The following DLC1 variants were observed in gnomAD, a reference collection of about 807,000 sequenced individuals.
DLC1 encodes DLC1 Rho GTPase activating protein, also known as rho GTPase-activating protein 7.
A neutral mutation model predicts 140.3 loss-of-function variants in DLC1; 54 were observed. That is an observed-to-expected ratio of 0.38 (90% CI 0.31 to 0.48). The LOEUF (loss-of-function observed/expected upper bound fraction) is 0.48, where lower values mean the gene tolerates loss of function less well. Ranked by LOEUF, DLC1 falls within the 20% of genes least tolerant of loss-of-function variation. DLC1 has a pLI of 0.96. For missense variants in DLC1, 2,536 were observed against 1,907.0 expected, an observed-to-expected ratio of 1.33 and a Z score of -6.14; for synonymous variants, 986 against 728.1, an observed-to-expected ratio of 1.35 and a Z score of -5.70.
chr8:13,086,797 G>T (rs1049857801), intron 16 of DLC1, among the ~76,000 whole-genome samples: 1 of 152,154 alleles, frequency 6.6e-6, no homozygotes, highest in East Asian at 1.9e-4. Context: ...GCTGGGGAGG[G>T]AGGACTGCTT....
At chr8:13,509,640 T>A (rs1184749163) in intron 1 of DLC1, among the ~76,000 whole-genome samples, 2 of 152,184 alleles carry the variant, frequency 1.3e-5, no homozygotes, top group Non-Finnish European at 2.9e-5. Context: ...TTAGAAGCTA[T>A]CTCCTTTAGC....
At chr8:13,371,220 C>T (rs1835710040) in intron 4 of DLC1, among the ~76,000 whole-genome samples, 1 of 152,168 alleles carries the variant, frequency 6.6e-6, no homozygotes, top group Non-Finnish European at 1.5e-5. Context: ...TATGCCTCCT[C>T]TTCCTCTTTG....
chr8:13,515,711 C>T (rs1802565518), upstream of DLC1: 1 of 152,150 alleles, frequency 6.6e-6, no homozygotes, highest in Non-Finnish European at 1.5e-5. Context: ...CTCCTAGCTG[C>T]TCCAGGTTGG....
intron 5 of DLC1, among the ~76,000 whole-genome samples, chr8:13,176,609 T>C (rs974146142): frequency 2.0e-5 from 3 of 152,034 alleles, no homozygotes; most frequent in South Asian, 4.2e-4. Context: ...CCCTCTCTTT[T>C]TGATTAAAAA....
chr8:13,276,722 T>G, intron 5 of DLC1: 1 of 538,004 alleles, frequency 1.9e-6, no homozygotes. Context: ...TGCTCCTGGG[T>G]CACATAGCAG....
At chr8:13,316,344 A>G (rs2117573387) in intron 4 of DLC1, among the ~76,000 whole-genome samples, 1 of 152,326 alleles carries the variant, frequency 6.6e-6, no homozygotes, top group East Asian at 1.9e-4. Context: ...ACAGAGTCAT[A>G]GGTGAGTTTT....
intron 4 of DLC1, among the ~76,000 whole-genome samples, chr8:13,343,288 T>G (rs1413366065): frequency 6.6e-6 from 1 of 152,092 alleles, no homozygotes; most frequent in Non-Finnish European, 1.5e-5. Context: ...AAGTAATTAT[T>G]CTGAGCAGAA....
At chr8:13,405,732 C>T (rs1400858798) in intron 2 of DLC1, among the ~76,000 whole-genome samples, 1 of 152,096 alleles carries the variant, frequency 6.6e-6, no homozygotes, top group Non-Finnish European at 1.5e-5. Context: ...TTTTGAAAGA[C>T]CATCAATTAC....
At chr8:13,227,566 A>G (rs926127859) in intron 5 of DLC1, among the ~76,000 whole-genome samples, 10 of 152,220 alleles carry the variant, frequency 6.6e-5, no homozygotes, top group Non-Finnish European at 1.2e-4. Flanking sequence ...TGTAGGGTCT[A>G]TGGTCACACA....
At chr8:13,466,466 A>T (rs1799945015) in intron 2 of DLC1, among the ~76,000 whole-genome samples, 1 of 152,200 alleles carries the variant, frequency 6.6e-6, no homozygotes, top group Non-Finnish European at 1.5e-5. Flanking sequence ...CTTGGTAGAA[A>T]TAAAGAGAAC....
At chr8:13,549,233 T>C (rs1803764676) in intron 1 of DLC1, among the ~76,000 whole-genome samples, 1 of 151,992 alleles carries the variant, frequency 6.6e-6, no homozygotes, top group African/African-American at 2.4e-5. Context: ...TAATCAGTCT[T>C]AGCGAGGTGA....
intron 1 of DLC1, among the ~76,000 whole-genome samples, chr8:13,581,212 G>A (rs1397458443): frequency 1.3e-5 from 2 of 152,164 alleles, no homozygotes; most frequent in African/African-American, 4.8e-5. Flanking sequence ...ATTGCTCTCA[G>A]CTAACCACAC....
intron 5 of DLC1, among the ~76,000 whole-genome samples, chr8:13,188,419 C>CAAAAAAAAAAAAAAAAAAAAA (rs1178090798): frequency 3.4e-5 from 2 of 58,984 alleles, no homozygotes; most frequent in African/African-American, 6.8e-5. Context: ...GACTCCGTCT[C>CAAAAAAAAAAAAAAAAAAAAA]AAAAAAAAAA....
At chr8:13,381,675 A>T (rs2117162516) in intron 4 of DLC1, among the ~76,000 whole-genome samples, 1 of 152,264 alleles carries the variant, frequency 6.6e-6, no homozygotes, top group Non-Finnish European at 1.5e-5. Flanking sequence ...ACTGTTTTGG[A>T]AATGAGCCAG....
chr8:13,479,764 C>G (rs1394909379), intron 2 of DLC1, among the ~76,000 whole-genome samples: 1 of 14,180 alleles, frequency 7.1e-5, no homozygotes. Context: ...AAGAATCTGT[C>G]TCAGAAAGAA....
chr8:13,161,122 A>G (rs1169423416), intron 5 of DLC1, among the ~76,000 whole-genome samples: 2 of 152,190 alleles, frequency 1.3e-5, no homozygotes, highest in Admixed American at 6.5e-5. Flanking sequence ...GTAGGCCTAC[A>G]AAAGATTATC....
intron 5 of DLC1, among the ~76,000 whole-genome samples, chr8:13,295,938 C>CTT (rs34697767): frequency 0.062 from 3,303 of 52,920 alleles, 257 homozygotes; most frequent in Non-Finnish European, 0.078. Flanking sequence ...AGATAAGATT[C>CTT]TTTGTTTTTT....
chr8:13,252,736 G>A (rs1830062534), intron 5 of DLC1, among the ~76,000 whole-genome samples: 1 of 152,124 alleles, frequency 6.6e-6, no homozygotes, highest in African/African-American at 2.4e-5. Context: ...TCATCATGTG[G>A]AAAAATGAGC....
chr8:13,578,981 T>A (rs1394248866), intron 1 of DLC1, among the ~76,000 whole-genome samples: 1 of 151,676 alleles, frequency 6.6e-6, no homozygotes, highest in Admixed American at 6.6e-5. Context: ...ACAGGTTGGT[T>A]CCTCTGGCAA....
Sources: gnomAD v4.1 joint callset for allele counts (sites outside exome capture counted in the v4.1 genomes callset) on GRCh38, gnomAD v4.1.1 for gene constraint, MANE v1.5 for transcripts, NCBI Gene and HGNC (gene_info 2026-07-23, HGNC 2026-07-21) for gene names.